Variants in KIRREL1 observed in about 807,000 individuals in gnomAD.
KIRREL1 encodes the protein kirre like nephrin family adhesion molecule 1.
KIRREL1 carries 25 observed loss-of-function variants against 83.3 expected under a neutral mutation model. The ratio of observed to expected loss-of-function variants is 0.30; its 90% confidence interval spans 0.22 to 0.42. The LOEUF (loss-of-function observed/expected upper bound fraction) is 0.42. Ranked by LOEUF, KIRREL1 falls within the 10% of genes least tolerant of loss-of-function variation. The pLI, the probability that KIRREL1 is intolerant of heterozygous loss-of-function variation, is 1.00. For synonymous variants in KIRREL1, 388 were observed against 410.4 expected, an observed-to-expected ratio of 0.95 and a Z score of 0.66; for missense variants, 812 against 1,032.3, an observed-to-expected ratio of 0.79 and a Z score of 2.92.
chr1:158,065,209 G>A (rs1203808410), intron 1 of KIRREL1, among the ~76,000 whole-genome samples: 1 of 152,128 alleles, frequency 6.6e-6, no homozygotes, highest in Non-Finnish European at 1.5e-5. Context: ...AGTGCCAGGA[G>A]ACCTCTAGAG....
At chr1:158,008,945 G>A (rs1004522829) in intron 1 of KIRREL1, among the ~76,000 whole-genome samples, 2 of 151,928 alleles carry the variant, frequency 1.3e-5, no homozygotes, top group Non-Finnish European at 2.9e-5. Context: ...ATTCCTGCTG[G>A]GCCCTCCCCT....
At chr1:158,016,220 T>C (rs1018880527) in intron 1 of KIRREL1, among the ~76,000 whole-genome samples, 1 of 151,788 alleles carries the variant, frequency 6.6e-6, no homozygotes, top group Non-Finnish European at 1.5e-5. Flanking sequence ...AGGAGAATGT[T>C]GTGAACCCTG....
intron 1 of KIRREL1, among the ~76,000 whole-genome samples, chr1:158,055,336 C>T (rs1436449326): frequency 6.6e-6 from 1 of 152,094 alleles, no homozygotes; most frequent in East Asian, 1.9e-4. Context: ...CCCTCTGGCC[C>T]CCTCCACTCC....
At chr1:158,028,941 C>T (rs1356308020) in intron 1 of KIRREL1, among the ~76,000 whole-genome samples, 1 of 152,192 alleles carries the variant, frequency 6.6e-6, no homozygotes, top group East Asian at 1.9e-4. Flanking sequence ...ACCTAGAGGG[C>T]TCATATCCCT....
intron 3 of KIRREL1, 42 bp downstream of exon 3, chr1:158,078,182 C>T (rs1661743364): frequency 6.3e-7 from 1 of 1,594,826 alleles, no homozygotes; most frequent in Admixed American, 1.7e-5. Flanking sequence ...GGCCCTGTCT[C>T]TCTGTATCCT....
chr1:158,004,956 A>C (rs1659474246), intron 1 of KIRREL1, among the ~76,000 whole-genome samples: 1 of 152,178 alleles, frequency 6.6e-6, no homozygotes, highest in Non-Finnish European at 1.5e-5. Flanking sequence ...AAATAAATAA[A>C]TTAATTTTAA....
intron 1 of KIRREL1, among the ~76,000 whole-genome samples, chr1:158,062,066 A>T (rs1051096269): frequency 3.3e-5 from 5 of 152,212 alleles, no homozygotes; most frequent in African/African-American, 1.2e-4. Context: ...AAGTTTCTCC[A>T]TGTGCCCACA....
intron 1 of KIRREL1, among the ~76,000 whole-genome samples, chr1:158,006,843 G>A (rs1016314816): frequency 3.3e-5 from 5 of 152,222 alleles, no homozygotes; most frequent in Non-Finnish European, 5.9e-5. Flanking sequence ...GTGGGCATGG[G>A]GGTGATGGCA....
intron 1 of KIRREL1, among the ~76,000 whole-genome samples, chr1:158,022,691 C>T (rs1287782133): frequency 6.6e-6 from 1 of 152,186 alleles, no homozygotes; most frequent in Admixed American, 6.5e-5. Flanking sequence ...GAGATTTAAA[C>T]TCCCCAAACA....
chr1:158,044,907 A>C (rs1416265697), intron 1 of KIRREL1, among the ~76,000 whole-genome samples: 1 of 152,204 alleles, frequency 6.6e-6, no homozygotes, highest in Non-Finnish European at 1.5e-5. Context: ...ATATTGATAA[A>C]ATGGAAAATA....
At chr1:158,002,753 G>A (rs1234394461) in intron 1 of KIRREL1, among the ~76,000 whole-genome samples, 1 of 152,140 alleles carries the variant, frequency 6.6e-6, no homozygotes, top group African/African-American at 2.4e-5. Flanking sequence ...CAGGGAGCAG[G>A]GGCAGGGAGG....
chr1:158,044,618 C>A (rs1335471406), intron 1 of KIRREL1, among the ~76,000 whole-genome samples: 1 of 152,166 alleles, frequency 6.6e-6, no homozygotes, highest in East Asian at 1.9e-4. Flanking sequence ...CATACCTCAG[C>A]CTCCTGAGTA....
In KIRREL1 at chr1:158,094,412, A is replaced by G; in HGVS notation, c.1797+22A>G. On this transcript the variant is annotated intron_variant, in intron 14 of 14. Coordinates refer to ENST00000359209, the MANE Select transcript of KIRREL1 (RefSeq NM_018240.7). The surrounding 1 kb of genome is among the most constrained non-coding windows in gnomAD (Gnocchi z 4.6). ...GAAGGTGGGAAAGGGGGAAGGGGCC[A>G]GGGCATGAGGGCTGGTGGGCCAGTG... 6.3e-7 allele frequency: 1 copy of G among 1,599,956 alleles called. No individual in the cohort carries two copies.
Position 158,087,996 on chromosome 1 carries a change from C to T in KIRREL1, c.768-10C>T, listed in dbSNP as rs953134422. The T allele has an allele frequency of 4.3e-6, 7 of 1,613,964 alleles. No individual in the cohort carries two copies. Among genetic ancestry groups the T allele is most frequent in the Non-Finnish European group, 5.9e-6 (7 of 1,179,968 alleles). On this transcript the variant is annotated splice_polypyrimidine_tract_variant and intron_variant, in intron 6 of 14. Coordinates refer to ENST00000359209, the MANE Select transcript of KIRREL1 (RefSeq NM_018240.7). ...GCCTGATCCCACCTCTGTGTTGCCT[C>T]CTCCCCTAGGTGGGCCAAAGGGGGT...
At position 158,094,411 on chromosome 1, in the gene KIRREL1, C is replaced by T. The variant is rs757617176; in HGVS notation, c.1797+21C>T. On this transcript the variant is annotated intron_variant, in intron 14 of 14. Transcript: ENST00000359209. The surrounding 1 kb of genome is among the most constrained non-coding windows in gnomAD (Gnocchi z 4.6). ...TGAAGGTGGGAAAGGGGGAAGGGGCCAGGGCATGAGGGCTGGTGGGCCAGT... is the reference window on the plus strand; with the variant it reads ...TGAAGGTGGGAAAGGGGGAAGGGGCTAGGGCATGAGGGCTGGTGGGCCAGT... 5 of 1,609,476 alleles carry T rather than the reference C, an allele frequency of 3.1e-6. No individual in the cohort carries two copies.
chr1:158,064,771 G>A (rs1661315594), intron 1 of KIRREL1, among the ~76,000 whole-genome samples: 1 of 152,056 alleles, frequency 6.6e-6, no homozygotes, highest in Non-Finnish European at 1.5e-5. Flanking sequence ...GCCTTTCTTA[G>A]AGGCACTAGT....
chr1:158,040,773 G>A (rs189450406), intron 1 of KIRREL1, among the ~76,000 whole-genome samples: 26 of 152,344 alleles, frequency 1.7e-4, no homozygotes, highest in African/African-American at 5.8e-4. Flanking sequence ...GGGCTGGAGC[G>A]TGTGCTAAGA....
Position 158,096,954 on chromosome 1 carries a change from G to A in KIRREL1, c.*1834G>A, listed in dbSNP as rs1177596896. On this transcript the variant is annotated 3_prime_UTR_variant, in exon 15 of 15. Transcript: ENST00000359209. ...AGCCACAGGCCATTACCACCCTTAT[G>A]GATGGGTCTGGGGGGCGACATTCCT... 10 of 456,684 alleles carry A rather than the reference G, an allele frequency of 2.2e-5. No individual in the cohort carries two copies. Among genetic ancestry groups the A allele is most frequent in the Non-Finnish European group, 3.1e-5 (7 of 227,000 alleles). The allele number at this position is 456,684 out of a possible 1,614,324, so 28.3% of individuals were successfully genotyped here.
rs534661789 is a variant in KIRREL1 at position 158,044,507 on chromosome 1, T to C, written c.53-31606T>C. 3.9e-5 allele frequency among the ~76,000 whole-genome samples: 6 copies of C among 152,324 alleles called. 1 individual carries two copies. In the South Asian group the frequency reaches 1.2e-3, roughly 32 times the overall value. ...CATTTTTTGTTTGTTTGCTTGTTTG[T>C]TTGTTTGTTTTGAGACAGTCTTGCT... On this transcript the variant is annotated intron_variant, in intron 1 of 14. Coordinates refer to ENST00000359209, the MANE Select transcript of KIRREL1 (RefSeq NM_018240.7).
Sources: gnomAD v4.1 joint callset for allele counts (sites outside exome capture counted in the v4.1 genomes callset) on GRCh38, gnomAD v4.1.1 for gene constraint, Gnocchi (gnomAD v3.1) non-coding constraint, MANE v1.5 for transcripts, NCBI Gene and HGNC (gene_info 2026-07-23, HGNC 2026-07-21) for gene names.